The following TAFA1 variants were observed in gnomAD, a reference collection of about 807,000 sequenced individuals.
TAFA1 encodes TAFA chemokine like family member 1.
TAFA1 carries 4 observed loss-of-function variants against 18.5 expected under a neutral mutation model. The ratio of observed to expected loss-of-function variants is 0.22; its 90% CI spans 0.11 to 0.49. The LOEUF is 0.49. Ranked by LOEUF, TAFA1 falls within the 20% of genes least tolerant of loss-of-function variation. The pLI, the probability that TAFA1 is intolerant of heterozygous loss-of-function variation, is 0.98. For synonymous variants in TAFA1, 56 were observed against 55.2 expected (o/e 1.01, Z -0.06); for missense variants, 147 against 169.0 (o/e 0.87, Z 0.72).
At chr3:68,438,584 G>T (rs553126507) in intron 3 of TAFA1, among the ~76,000 whole-genome samples, 2 of 152,006 alleles carry the variant, frequency 1.3e-5, no homozygotes, top group African/African-American at 2.4e-5. Flanking sequence ...GCATTGTTCT[G>T]GTGGGGACTC....
At chr3:68,237,907 T>C (rs1343655277) in intron 2 of TAFA1, among the ~76,000 whole-genome samples, 1 of 151,818 alleles carries the variant, frequency 6.6e-6, no homozygotes. Context: ...ATAGCAGATA[T>C]AAAAAGGCAT....
intron 2 of TAFA1, among the ~76,000 whole-genome samples, chr3:68,362,633 G>A (rs563234532): frequency 2.0e-5 from 3 of 152,118 alleles, no homozygotes; most frequent in Non-Finnish European, 4.4e-5. Flanking sequence ...AACAGGAATG[G>A]AGTGGAAATG....
chr3:68,256,643 T>TG (rs1259141661), intron 2 of TAFA1, among the ~76,000 whole-genome samples: 5 of 152,158 alleles, frequency 3.3e-5, no homozygotes, highest in Non-Finnish European at 7.4e-5. Flanking sequence ...TACATGGCCT[T>TG]GGCATTGTGT....
At chr3:68,423,741 T>A (rs2071003488) in intron 3 of TAFA1, among the ~76,000 whole-genome samples, 1 of 151,626 alleles carries the variant, frequency 6.6e-6, no homozygotes, top group Non-Finnish European at 1.5e-5. Flanking sequence ...TAGGATTTTG[T>A]TGTCTTGTAA....
At chr3:68,491,167 G>C (rs2072445619) in intron 3 of TAFA1, among the ~76,000 whole-genome samples, 1 of 152,118 alleles carries the variant, frequency 6.6e-6, no homozygotes, top group African/African-American at 2.4e-5. Flanking sequence ...AGTAGAAAGG[G>C]ATCCAGCCAT....
At chr3:68,145,768 A>C in intron 2 of TAFA1, 1 of 576,960 alleles carries the variant, frequency 1.7e-6, no homozygotes, top group East Asian at 3.0e-5. Context: ...AAATACATAT[A>C]GAATAAAAAG....
rs1252976928 is a variant in TAFA1 at position 68,493,818 on chromosome 3, TTC to T, written c.260-44937_260-44936del. Among the ~76,000 whole-genome samples, 14 of 152,218 alleles carry T rather than the reference TTC, an allele frequency of 9.2e-5. 1 individual carries two copies. Among genetic ancestry groups the T allele is most frequent in the Admixed American group, 6.5e-4 (10 of 15,288 alleles). ...ATTACTTTTATAAGTTTATGACGTT[TTC>T]CTGCCCCATTCCCTGGAGGCTTCAT... On this transcript the variant is annotated intron_variant, in intron 3 of 4. Coordinates refer to ENST00000478136, the MANE Select transcript of TAFA1 (RefSeq NM_213609.4).
At chr3:68,127,803 AGTG>A (rs962627844) in intron 2 of TAFA1, among the ~76,000 whole-genome samples, 8 of 106,692 alleles carry the variant, frequency 7.5e-5, no homozygotes, top group African/African-American at 1.2e-4. Flanking sequence ...TGCTGATGGC[AGTG>A]GTGGTGGTGG....
chr3:68,478,081 A>G (rs1428767185), intron 3 of TAFA1, among the ~76,000 whole-genome samples: 2 of 152,232 alleles, frequency 1.3e-5, no homozygotes, highest in Non-Finnish European at 1.5e-5. Flanking sequence ...TCAGAGATCA[A>G]GACTGAAGTT....
chr3:68,058,995 T>A (rs1338057442), intron 2 of TAFA1, among the ~76,000 whole-genome samples: 1 of 152,124 alleles, frequency 6.6e-6, no homozygotes, highest in African/African-American at 2.4e-5. Context: ...TATATAAAAT[T>A]CCCACATGAT....
intron 2 of TAFA1, among the ~76,000 whole-genome samples, chr3:68,305,752 G>A (rs1483185763): frequency 6.6e-6 from 1 of 151,824 alleles, no homozygotes; most frequent in African/African-American, 2.4e-5. Flanking sequence ...AATATTGAGA[G>A]GCATCAGTGA....
intron 2 of TAFA1, among the ~76,000 whole-genome samples, chr3:68,313,944 T>C (rs1008396618): frequency 5.9e-5 from 9 of 152,240 alleles, no homozygotes; most frequent in African/African-American, 2.2e-4. Flanking sequence ...CCCTTACATG[T>C]TTGATTATAA....
At position 68,122,991 on chromosome 3, in the gene TAFA1, G is replaced by GA. The variant is rs983070470; in HGVS notation, c.118+116257dup. ...CTAACCTACTAGAAAGAGCAGTAAA[G>GA]AAAAAAAAAACCCTTTTTTTTCCAA... On this transcript the variant is annotated intron_variant, in intron 2 of 4. Transcript: ENST00000478136. Among the ~76,000 whole-genome samples, 638 of 141,102 alleles carry GA rather than the reference G, an allele frequency of 4.5e-3. 5 individuals carry two copies. The highest frequency in any genetic ancestry group is 0.015 in the African/African-American group (573 of 38,644). 92.6% of individuals were successfully genotyped at this position (141,102 alleles called of 152,430 possible). A position where few individuals can be genotyped will look rare whatever the true frequency, so the allele number is the denominator to read the frequency against.
intron 2 of TAFA1, among the ~76,000 whole-genome samples, chr3:68,160,827 G>C (rs1429218338): frequency 6.6e-6 from 1 of 152,206 alleles, no homozygotes; most frequent in Non-Finnish European, 1.5e-5. Context: ...GGAGGAGAAA[G>C]GGTTTAGGTC....
intron 3 of TAFA1, among the ~76,000 whole-genome samples, chr3:68,433,579 A>G (rs567137136): frequency 3.9e-5 from 6 of 152,228 alleles, no homozygotes; most frequent in South Asian, 4.1e-4. Context: ...TCACAGCTGC[A>G]TGCCAGTGCC....
chr3:68,531,912 A>G (rs2073193453), intron 3 of TAFA1, among the ~76,000 whole-genome samples: 1 of 152,210 alleles, frequency 6.6e-6, no homozygotes, highest in Non-Finnish European at 1.5e-5. Flanking sequence ...TAAAATACCT[A>G]ACAGAGAAAC....
rs57372768 is a variant in TAFA1, at chr3:68,521,856, G to GTTTTTTTTTTTTTTTTT, written c.260-16896_260-16880dup. Among the ~76,000 whole-genome samples, 372 of 70,824 alleles carry GTTTTTTTTTTTTTTTTT rather than the reference G, an allele frequency of 5.3e-3. 37 individuals carry two copies. Among genetic ancestry groups the GTTTTTTTTTTTTTTTTT allele is most frequent in the Admixed American group, 5.9e-3 (24 of 4,062 alleles). The allele number at this position is 70,824 out of a possible 152,430, so 46.5% of individuals were successfully genotyped here. Reference sequence around the variant, plus strand: ...TCTGGGTTTTTCTGTGTTTTTTTCTGTTTTTTTTTTTTTTTTTTTTGGAGA... The same window carrying GTTTTTTTTTTTTTTTTT: ...TCTGGGTTTTTCTGTGTTTTTTTCTGTTTTTTTTTTTTTTTTTTTTTTTTTTTTTTTTTTTTTGGAGA... On this transcript the variant is annotated intron_variant, in intron 3 of 4. Transcript: ENST00000478136.
At chr3:68,250,310 A>G (rs750005560) in intron 2 of TAFA1, among the ~76,000 whole-genome samples, 7 of 152,320 alleles carry the variant, frequency 4.6e-5, no homozygotes, top group Non-Finnish European at 8.8e-5. Flanking sequence ...ATTTGGAGAC[A>G]GTCTCAGAAC....
At chr3:68,251,569 G>T (rs916886434) in intron 2 of TAFA1, among the ~76,000 whole-genome samples, 1 of 152,214 alleles carries the variant, frequency 6.6e-6, no homozygotes, top group African/African-American at 2.4e-5. Context: ...GAAGGAGAAA[G>T]AAGAGGGGAA....
Sources: gnomAD v4.1 joint callset for allele counts (sites outside exome capture counted in the v4.1 genomes callset) on GRCh38, gnomAD v4.1.1 for gene constraint, MANE v1.5 for transcripts, NCBI Gene and HGNC (gene_info 2026-07-23, HGNC 2026-07-21) for gene names.